Variants in LRRC19 observed in about 807,000 individuals in gnomAD.
LRRC19 encodes the protein leucine-rich repeat-containing protein 19.
In LRRC19, 33 loss-of-function variants were observed where a neutral mutation model predicts 33.3. The observed-to-expected ratio is 0.99, with a 90% CI of 0.75 to 1.33. LRRC19 has a LOEUF of 1.33. LRRC19 is among the 40% of genes most tolerant of loss of function. The pLI, the probability that LRRC19 is intolerant of heterozygous loss-of-function variation, is 0.00. For synonymous variants in LRRC19, 184 were observed against 152.3 expected (o/e 1.21, Z -1.53); for missense variants, 463 against 417.3 (o/e 1.11, Z -0.95).
chr9:26,996,428 T>C lies in LRRC19; in HGVS notation c.667A>G (p.Lys223Glu). Residue 223 changes from lysine (K) to glutamate (E), a missense_variant, in exon 4 of 5, where the codon AAG (lysine) becomes GAG (glutamate). By Grantham distance (56) the Lys-to-Glu change is moderately conservative. Coordinates refer to ENST00000380055, the MANE Select transcript of LRRC19 (RefSeq NM_022901.3). ...GGAAATTTTGAGTGGCATTCAGCCT[T>C]ATGAGGTACTGTTTTGATATTGTAG... ...QSYNIKTVPH[K>E]AECHSKFPSS... 6.2e-7 allele frequency: 1 copy of C among 1,605,406 alleles called. No individual in the cohort carries two copies. The highest frequency in any genetic ancestry group is 8.5e-7 in the Non-Finnish European group (1 of 1,174,514).
intron 1 of LRRC19, among the ~76,000 whole-genome samples, chr9:27,005,115 T>G (rs1828699837): frequency 6.6e-6 from 1 of 152,188 alleles, no homozygotes; most frequent in South Asian, 2.1e-4. Flanking sequence ...GTTTCCTTAT[T>G]TAACTATTGT....
In LRRC19 at chr9:26,994,278, C is replaced by CAT. The variant is rs1828026523; in HGVS notation, c.*1242_*1243insAT. On this transcript the variant is annotated 3_prime_UTR_variant, in exon 5 of 5. Transcript: ENST00000380055. ...TCTTGGCCAGGCACGGTGCTCCATG[C>CAT]CTGTAATCCCAGCACTTTGGGAGGC... 1 of 152,090 alleles carries CAT rather than the reference C, an allele frequency of 6.6e-6. No homozygotes were observed. Among genetic ancestry groups the CAT allele is most frequent in the Admixed American group, 6.6e-5 (1 of 15,260 alleles). The allele number at this position is 152,090 out of a possible 1,614,324, so 9.4% of individuals were successfully genotyped here. A position where few individuals can be genotyped will look rare whatever the true frequency, so the allele number is the denominator to read the frequency against.
chr9:26,995,556 A>G lies in LRRC19; in HGVS notation c.1078T>C (p.Tyr360His). The change falls in exon 5 of 5, where the codon TAT becomes CAT. Residue 360 changes from tyrosine to histidine, a missense_variant. Transcript: ENST00000380055. ...VDDDGFIEDK[Y>H]IDIHELCEEN ...TCACATAATTCATGGATATCTATATATTTGTCTTCAATAAATCCATCATCA... is the reference window on the plus strand; with the variant it reads ...TCACATAATTCATGGATATCTATATGTTTGTCTTCAATAAATCCATCATCA... 6.3e-7 allele frequency: 1 copy of G among 1,595,232 alleles called. No homozygotes were observed. Among genetic ancestry groups the G allele is most frequent in the Non-Finnish European group, 8.6e-7 (1 of 1,166,170 alleles).
rs964460890 is a variant in LRRC19 at position 26,995,067 on chromosome 9, A to G, written c.*454T>C. 2 of 152,386 alleles carry G rather than the reference A, an allele frequency of 1.3e-5. No individual in the cohort carries two copies. The highest frequency in any genetic ancestry group is 4.8e-5 in the African/African-American group (2 of 41,448). 9.4% of individuals were successfully genotyped at this position (152,386 alleles called of 1,614,324 possible). A position where few individuals can be genotyped will look rare whatever the true frequency, so the allele number is the denominator to read the frequency against. On this transcript the variant is annotated 3_prime_UTR_variant, in exon 5 of 5. Coordinates refer to ENST00000380055, the MANE Select transcript of LRRC19 (RefSeq NM_022901.3). ...TATGATTTTATTCTGGGAGCATAAA[A>G]TCAATCTTAGTGTATTATTTAAGCT...
intron 1 of LRRC19, among the ~76,000 whole-genome samples, chr9:27,005,229 A>G (rs1828704936): frequency 6.6e-6 from 1 of 151,740 alleles, no homozygotes; most frequent in Admixed American, 6.6e-5. Flanking sequence ...TCATCAACTC[A>G]TGGCCAGTCT....
Position 26,997,849 on chromosome 9 carries a change from G to A in LRRC19, c.474C>T (p.Ser158=), listed in dbSNP as rs140858779. ...GAAATAGTGGTGGTACATCCAAATA[G>A]CTAATCAAATTGCCTTGCAGATTCA... ...KLLNLQGNLI[S]YLDVPPLFHL... is the part of the protein sequence containing the mutation. The change falls in exon 3 of 5, where the codon AGC becomes AGT. Residue 158 remains serine (S), a synonymous_variant. Transcript: ENST00000380055. The A allele has an allele frequency of 2.5e-6, 4 of 1,614,054 alleles. No homozygotes were observed. The African/African-American group carries it at 5.3e-5, about 22-fold the overall frequency.
At chr9:27,001,488 A>T (rs970216100) in intron 1 of LRRC19, among the ~76,000 whole-genome samples, 9 of 152,164 alleles carry the variant, frequency 5.9e-5, no homozygotes, top group Non-Finnish European at 1.3e-4. Context: ...TGTCATATTG[A>T]TAGAAGCTAC....
rs10217666 is a variant in LRRC19, at chr9:26,997,415, C to T, written c.595+313G>A. 9.0e-3 allele frequency among the ~76,000 whole-genome samples: 1,282 copies of T among 142,568 alleles called. 17 individuals are homozygous for T. The highest frequency in any genetic ancestry group is 0.031 in the African/African-American group (1,195 of 38,998). The allele number at this position is 142,568 out of a possible 152,430, so 93.5% of individuals were successfully genotyped here. A position where few individuals can be genotyped will look rare whatever the true frequency, so the allele number is the denominator to read the frequency against. On this transcript the variant is annotated intron_variant, in intron 3 of 4. Coordinates refer to ENST00000380055, the MANE Select transcript of LRRC19 (RefSeq NM_022901.3). ...GTGGCACGATCTCGGCTCACTGTAA[C>T]ATCTGCCTCCCAGGTTCAAGCAATT...
rs768665629 is a variant in LRRC19 at position 26,995,509 on chromosome 9, C to G, written c.*12G>C. Reference sequence around the variant, plus strand: ...TGATAACTTTGCTTTAAAAAGCAAACTTTGAAAGAAATTAATTTTCTTCAC... The same window carrying G: ...TGATAACTTTGCTTTAAAAAGCAAAGTTTGAAAGAAATTAATTTTCTTCAC... On this transcript the variant is annotated 3_prime_UTR_variant, in exon 5 of 5. Coordinates refer to ENST00000380055, the MANE Select transcript of LRRC19 (RefSeq NM_022901.3). 6.7e-7 allele frequency: 1 copy of G among 1,487,086 alleles called. No homozygotes were observed. Among genetic ancestry groups the G allele is most frequent in the African/African-American group, 1.4e-5 (1 of 71,166 alleles). 92.1% of individuals were successfully genotyped at this position (1,487,086 alleles called of 1,614,324 possible). A position where few individuals can be genotyped will look rare whatever the true frequency, so the allele number is the denominator to read the frequency against.
At position 26,993,595 on chromosome 9, in the gene LRRC19, A is replaced by G. The variant is rs10967648; in HGVS notation, c.*1926T>C. ...AAATGACTATTCTATAGATTATGAC[A>G]TAGATCTATTTTATTTTAGCCTCTT... On this transcript the variant is annotated 3_prime_UTR_variant, in exon 5 of 5. Coordinates refer to ENST00000380055, the MANE Select transcript of LRRC19 (RefSeq NM_022901.3). 22,117 of 152,488 alleles carry G rather than the reference A, an allele frequency of 0.15. 2,604 individuals are homozygous for G. Among genetic ancestry groups the G allele is most frequent in the East Asian group, 0.68 (3,508 of 5,170 alleles). 9.4% of individuals were successfully genotyped at this position (152,488 alleles called of 1,614,324 possible). A position where few individuals can be genotyped will look rare whatever the true frequency, so the allele number is the denominator to read the frequency against.
Position 26,995,718 on chromosome 9 carries a change from G to A in LRRC19, c.916C>T (p.His306Tyr). Residue 306 changes from histidine to tyrosine, a missense_variant, in exon 5 of 5, where the codon CAT becomes TAT. Coordinates refer to ENST00000380055, the MANE Select transcript of LRRC19 (RefSeq NM_022901.3). ...WYNILLSYNH[H>Y]RLEEHEAETY... ...TCTGCTTCATGCTCTTCCAGGCGAT[G>A]ATGATTATAACTAAGCAGAATATTG... 6.2e-7 allele frequency: 1 copy of A among 1,613,856 alleles called. No individual in the cohort carries two copies. The highest frequency in any genetic ancestry group is 1.1e-5 in the South Asian group (1 of 91,068).
Position 26,995,474 on chromosome 9 carries a change from CTGAG to C in LRRC19, c.*43_*46del, listed in dbSNP as rs752070169. 7 of 1,125,642 alleles carry C rather than the reference CTGAG, an allele frequency of 6.2e-6. No homozygotes were observed. In the African/African-American group the frequency reaches 9.5e-5, roughly 15 times the overall value. The allele number at this position is 1,125,642 out of a possible 1,614,324, so 69.7% of individuals were successfully genotyped here. A position where few individuals can be genotyped will look rare whatever the true frequency, so the allele number is the denominator to read the frequency against. ...ACATAGCAAAATCTCCATATCTAAA[CTGAG>C]TGAGCTGATAACTTTGCTTTAAAAA... On this transcript the variant is annotated 3_prime_UTR_variant, in exon 5 of 5. Transcript: ENST00000380055.
intron 1 of LRRC19, among the ~76,000 whole-genome samples, chr9:27,001,847 T>G (rs2131584720): frequency 6.6e-6 from 1 of 152,300 alleles, no homozygotes; most frequent in South Asian, 2.1e-4. Context: ...ACATTTTTGC[T>G]TTGGTTTCCT....
In LRRC19 at chr9:26,998,064, T is replaced by C; in HGVS notation, c.259A>G (p.Ile87Val). ...ELYLIENKVTILHNNGFGNLS... is the reference protein window; with the variant it reads ...ELYLIENKVTVLHNNGFGNLS... ...TTACCAAAACCGTTATTATGTAAGA[T>C]AGTAACCTTGTTCTCAATCAAATAG... Residue 87 changes from isoleucine to valine, a missense_variant, in exon 3 of 5, where the codon ATC becomes GTC. Coordinates refer to ENST00000380055, the MANE Select transcript of LRRC19 (RefSeq NM_022901.3). 2 of 1,613,612 alleles carry C rather than the reference T, an allele frequency of 1.2e-6. No homozygotes were observed. The highest frequency in any genetic ancestry group is 2.2e-5 in the South Asian group (2 of 91,058).
Position 26,995,591 on chromosome 9 carries a change from A to T in LRRC19, c.1043T>A (p.Phe348Tyr), listed in dbSNP as rs762244705. 6.2e-7 allele frequency: 1 copy of T among 1,604,332 alleles called. No individual in the cohort carries two copies. Among genetic ancestry groups the T allele is most frequent in the Non-Finnish European group, 8.5e-7 (1 of 1,171,352 alleles). Residue 348 changes from phenylalanine (F) to tyrosine (Y), a missense_variant, in exon 5 of 5, where the codon TTT becomes TAT. Coordinates refer to ENST00000380055, the MANE Select transcript of LRRC19 (RefSeq NM_022901.3). ...AATAAATCCATCATCATCTACCACA[A>T]ATGAATGTAATTGTTCAAATATTAC... ...TTVIFEQLHS[F>Y]VVDDDGFIED...
chr9:26,997,789 C>T lies in LRRC19; in HGVS notation c.534G>A (p.Trp178Ter), dbSNP rs1400992917. The T allele has an allele frequency of 1.2e-6, 2 of 1,613,878 alleles. No homozygotes were observed. The highest frequency in any genetic ancestry group is 8.5e-7 in the Non-Finnish European group (1 of 1,179,956). The change falls in exon 3 of 5, where the codon TGG becomes TGA. Residue 178 changes from tryptophan to a stop codon, truncating the protein, a stop_gained. Transcript: ENST00000380055. LOFTEE classifies it high-confidence loss of function. ...AATTAAATAGACTGCAAGAGCAGTT[C>T]CATAGGTTTCCATATAAAGTTATTA... ...LELITLYGNL[W>*]NCSCSLFNLQ...
intron 1 of LRRC19, among the ~76,000 whole-genome samples, chr9:27,002,991 T>C (rs1252309693): frequency 6.6e-6 from 1 of 152,196 alleles, no homozygotes; most frequent in East Asian, 1.9e-4. Context: ...TTTTGTTATA[T>C]AGATATTTCA....
At chr9:27,002,009 G>C (rs117921008) in intron 1 of LRRC19, among the ~76,000 whole-genome samples, 1 of 151,880 alleles carries the variant, frequency 6.6e-6, no homozygotes, top group African/African-American at 2.4e-5. Context: ...CAGGATGCAC[G>C]TCTGGGGGGT....
rs764687907 is a variant in LRRC19 at position 26,995,586 on chromosome 9, C to T, written c.1048G>A (p.Val350Ile). Residue 350 changes from valine to isoleucine, a missense_variant, in exon 5 of 5, where the codon GTA becomes ATA. By Grantham distance (29) the Val-to-Ile change is conservative. Coordinates refer to ENST00000380055, the MANE Select transcript of LRRC19 (RefSeq NM_022901.3). The part of the protein sequence containing the change: ...VIFEQLHSFV[V>I]DDDGFIEDKY... ...TCTTCAATAAATCCATCATCATCTA[C>T]CACAAATGAATGTAATTGTTCAAAT... 3.7e-6 allele frequency: 6 copies of T among 1,602,414 alleles called. No homozygotes were observed. In the Admixed American group the frequency reaches 5.0e-5, roughly 13 times the overall value.
Sources: allele counts gnomAD v4.1 joint callset (sites outside exome capture counted in the v4.1 genomes callset), GRCh38; gene constraint gnomAD v4.1.1; transcripts MANE v1.5; gene names NCBI Gene and HGNC (gene_info 2026-07-23, HGNC 2026-07-21).